ABCC2: variants seen among roughly 807,000 people sequenced by gnomAD.
ABCC2 encodes the protein ATP-binding cassette sub-family C member 2.
A neutral mutation model predicts 173.4 loss-of-function variants in ABCC2; 157 were observed. The ratio of observed to expected loss-of-function variants is 0.91; its 90% CI spans 0.80 to 1.03. ABCC2 has a LOEUF of 1.03. ABCC2 is among the 50% of genes least tolerant of loss of function. The pLI, the probability that ABCC2 is intolerant of heterozygous loss-of-function variation, is 0.00. For missense variants in ABCC2, 1,822 were observed against 1,852.3 expected, an observed-to-expected ratio of 0.98 and a Z score of 0.30; for synonymous variants, 657 against 693.5, an observed-to-expected ratio of 0.95 and a Z score of 0.83.
rs139800035 is a variant in ABCC2, at chr10:99,800,383, C to T, written c.1032-3C>T. 5,904 of 1,614,116 alleles carry T rather than the reference C, an allele frequency of 3.7e-3. 18 individuals carry two copies. Among genetic ancestry groups the T allele is most frequent in the Non-Finnish European group, 4.8e-3 (5,616 of 1,179,994 alleles). ...TATAACTAACTTGGCTTTTCTCTGG[C>T]AGATTGCTGATCTCCTTTGCAAGTG... On this transcript the variant is annotated splice_polypyrimidine_tract_variant and splice_region_variant and intron_variant, in intron 8 of 31. Coordinates refer to ENST00000647814, the MANE Select transcript of ABCC2 (RefSeq NM_000392.5).
intron 16 of ABCC2, among the ~76,000 whole-genome samples, chr10:99,814,741 ATATG>A (rs569531908): frequency 3.6e-5 from 5 of 140,710 alleles, no homozygotes; most frequent in East Asian, 2.1e-4. Context: ...GTGTATGTGT[ATATG>A]TATGTATATA....
At chr10:99,814,164 T>TGTGC (rs1564683335) in intron 16 of ABCC2, among the ~76,000 whole-genome samples, 1 of 125,058 alleles carries the variant, frequency 8.0e-6, no homozygotes, top group African/African-American at 3.2e-5. Context: ...TATACACACG[T>TGTGC]ATATATACAC....
chr10:99,799,147 G>T (rs1458536377), intron 7 of ABCC2, 60 bp from the exon 8 acceptor site: 10 of 1,601,962 alleles, frequency 6.2e-6, no homozygotes, highest in Non-Finnish European at 8.5e-6. Context: ...CCACCCTGGA[G>T]CTGCTCAGGC....
In ABCC2 at chr10:99,791,887, G is replaced by A. The variant is rs138930662; in HGVS notation, c.208-347G>A. Among the ~76,000 whole-genome samples the A allele has an allele frequency of 7.0e-3, 1,067 of 152,238 alleles. 6 individuals are homozygous for A. Among genetic ancestry groups the A allele is most frequent in the Non-Finnish European group, 9.7e-3 (662 of 68,028 alleles). ...TATGCCCTAGCCTTGGAAGTCACAC[G>A]CTGTCACTTCTGCCATTTTCTATTC... On this transcript the variant is annotated intron_variant, in intron 2 of 31. Transcript: ENST00000647814.
rs770919031 is a variant in ABCC2, at chr10:99,799,281, G to A, written c.942G>A (p.Leu314=). The change falls in exon 8 of 32, where the codon CTG becomes CTA. Residue 314 remains leucine, a synonymous_variant. Transcript: ENST00000647814. Reference sequence around the variant, plus strand: ...CAAAATCCTGGTTGATGAAGGCTCTGTTCAAAACTTTCTACATGGTGCTCC... The same window carrying A: ...CAAAATCCTGGTTGATGAAGGCTCTATTCAAAACTTTCTACATGGTGCTCC... ...DVPKSWLMKA[L]FKTFYMVLLK... 1.9e-6 allele frequency: 3 copies of A among 1,614,142 alleles called. No homozygotes were observed. The highest frequency in any genetic ancestry group is 2.7e-5 in the African/African-American group (2 of 75,048).
At chr10:99,814,170 TAC>T (rs527507808) in intron 16 of ABCC2, among the ~76,000 whole-genome samples, 1,529 of 132,260 alleles carry the variant, frequency 0.012, 335 homozygotes, top group African/African-American at 0.043. Context: ...CACGTATATA[TAC>T]ACACATGTAT....
Position 99,814,138 on chromosome 10 carries a change from TATAC to T in ABCC2, c.2094+996_2094+999del, listed in dbSNP as rs1282595745. Among the ~76,000 whole-genome samples the T allele has an allele frequency of 1.3e-4, 11 of 83,266 alleles. 1 individual carries two copies. The highest frequency in any genetic ancestry group is 1.7e-4 in the Non-Finnish European group (7 of 40,466). 54.6% of individuals were successfully genotyped at this position (83,266 alleles called of 152,430 possible). ...GTATATACACACATATGTGTGTATATATACACACATGTATGTATACACACGTATA... is the reference window on the plus strand; with the variant it reads ...GTATATACACACATATGTGTGTATATACACATGTATGTATACACACGTATA... On this transcript the variant is annotated intron_variant, in intron 16 of 31. Coordinates refer to ENST00000647814, the MANE Select transcript of ABCC2 (RefSeq NM_000392.5).
intron 25 of ABCC2, among the ~76,000 whole-genome samples, chr10:99,836,865 C>G (rs1008799274): frequency 6.6e-6 from 1 of 152,060 alleles, no homozygotes; most frequent in Admixed American, 6.5e-5. Flanking sequence ...AGCAGTATGT[C>G]CTGGAAAGAG....
intron 16 of ABCC2, among the ~76,000 whole-genome samples, chr10:99,814,333 ACATG>A (rs1279701768): frequency 1.4e-5 from 2 of 142,520 alleles, no homozygotes; most frequent in African/African-American, 5.2e-5. Flanking sequence ...ATGTATACAC[ACATG>A]TATATATACA....
chr10:99,814,681 A>C (rs1590167142), intron 16 of ABCC2, among the ~76,000 whole-genome samples: 1 of 140,206 alleles, frequency 7.1e-6, no homozygotes, highest in South Asian at 2.3e-4. Flanking sequence ...ACATATACAC[A>C]CACGTGTATA....
intron 19 of ABCC2, among the ~76,000 whole-genome samples, chr10:99,821,502 C>T (rs1241842012): frequency 1.3e-5 from 2 of 152,096 alleles, no homozygotes; most frequent in African/African-American, 2.4e-5. Flanking sequence ...GAGGTCCCTG[C>T]GGCCTTCCGC....
At chr10:99,835,500 G>A (rs1215728879) in intron 24 of ABCC2, among the ~76,000 whole-genome samples, 3 of 151,884 alleles carry the variant, frequency 2.0e-5, no homozygotes, top group Non-Finnish European at 4.4e-5. Context: ...AGGCCACAGG[G>A]TTCTTCCCTG....
At chr10:99,838,125 C>T (rs10453988) in intron 25 of ABCC2, among the ~76,000 whole-genome samples, 6 of 83,070 alleles carry the variant, frequency 7.2e-5, no homozygotes, top group African/African-American at 1.4e-4. Context: ...ACCTCCCTCC[C>T]GGACGGGGCG....
chr10:99,839,090 A>ACC (rs1297057374), intron 25 of ABCC2, among the ~76,000 whole-genome samples: 1 of 57,214 alleles, frequency 1.7e-5, no homozygotes, highest in East Asian at 6.7e-4. Context: ...AGGGGGGCAG[A>ACC]CCCCCCCCCC....
intron 2 of ABCC2, among the ~76,000 whole-genome samples, chr10:99,789,709 CAAAAAAAAAAAA>C (rs11412117): frequency 1.0e-5 from 1 of 98,310 alleles, no homozygotes; most frequent in South Asian, 3.5e-4. Context: ...AACTCCGTCT[CAAAAAAAAAAAA>C]AAAAAGAAAA....
intron 19 of ABCC2, among the ~76,000 whole-genome samples, chr10:99,827,833 TC>T (rs2038671122): frequency 6.9e-6 from 1 of 145,114 alleles, no homozygotes; most frequent in Non-Finnish European, 1.5e-5. Flanking sequence ...CCTAGCTTCT[TC>T]CGAGCTCACA....
At chr10:99,811,505 A>C (rs1242939683) in intron 14 of ABCC2, 31 bp from the exon 15 acceptor site, 3 of 1,612,712 alleles carry the variant, frequency 1.9e-6, no homozygotes, top group East Asian at 2.2e-5. Flanking sequence ...GGGGACCTAC[A>C]TTGGACTAAA....
chr10:99,795,775 GAAAGAAAGAAAGAAAGAAAGAAAGAA>G lies in ABCC2; in HGVS notation c.632+1309_633-1295del, dbSNP rs1564672416. Among the ~76,000 whole-genome samples the G allele has an allele frequency of 3.8e-4, 56 of 145,806 alleles. 1 individual carries two copies. The highest frequency in any genetic ancestry group is 1.2e-3 in the East Asian group (6 of 5,086). On this transcript the variant is annotated intron_variant, in intron 6 of 31. Coordinates refer to ENST00000647814, the MANE Select transcript of ABCC2 (RefSeq NM_000392.5). ...AGAAAGAAAGAAAGAAAGAAAGAAA[GAAAGAAAGAAAGAAAGAAAGAAAGAA>G]AGATTTCTAAATGCTAGATTTCAGT...
At chr10:99,840,508 A>C (rs1203989742) in intron 25 of ABCC2, among the ~76,000 whole-genome samples, 1 of 88,788 alleles carries the variant, frequency 1.1e-5, no homozygotes, top group Non-Finnish European at 3.1e-5. Flanking sequence ...TTTTCCTTTT[A>C]TTTTATTTTA....
Sources: allele counts gnomAD v4.1 joint callset (sites outside exome capture counted in the v4.1 genomes callset), GRCh38; gene constraint gnomAD v4.1.1; transcripts MANE v1.5; gene names NCBI Gene and HGNC (gene_info 2026-07-23, HGNC 2026-07-21).